Variants in DCHS2 observed in about 807,000 individuals in gnomAD.
DCHS2 encodes the protein dachsous cadherin-related 2.
Under a neutral mutation model 182.4 loss-of-function variants are expected in DCHS2, and 142 were observed. The observed-to-expected ratio is 0.78, with a 90% CI of 0.68 to 0.89. DCHS2 has a LOEUF of 0.89. DCHS2 is among the 40% of genes least tolerant of loss of function. The pLI is 0.00. For missense variants in DCHS2, 4,319 were observed against 4,198.6 expected (o/e 1.03, Z -0.79); for synonymous variants, 1,740 against 1,663.3 (o/e 1.05, Z -1.12).
In DCHS2 at chr4:154,231,966, T is replaced by G. The variant is rs1039323853; in HGVS notation, c.*2570A>C. 1.6e-4 allele frequency: 24 copies of G among 152,178 alleles called. No individual in the cohort carries two copies. Among genetic ancestry groups the G allele is most frequent in the African/African-American group, 5.8e-4 (24 of 41,448 alleles). 9.4% of individuals were successfully genotyped at this position (152,178 alleles called of 1,614,324 possible). On this transcript the variant is annotated 3_prime_UTR_variant, in exon 20 of 20. Coordinates refer to ENST00000357232, the MANE Select transcript of DCHS2 (RefSeq NM_001358235.2). The stretch of plus-strand genomic sequence containing the variant: ...AGGACATGGAATTTTGATATCCATT[T>G]GGTACTGATTTACACCAGTATTTTT...
At chr4:154,412,535 A>G (rs1008122715) in intron 1 of DCHS2, among the ~76,000 whole-genome samples, 3 of 152,314 alleles carry the variant, frequency 2.0e-5, no homozygotes, top group East Asian at 1.9e-4. Context: ...TTCCTCATCC[A>G]TAATATACGC....
chr4:154,350,498 C>G (rs1055594516), intron 3 of DCHS2, among the ~76,000 whole-genome samples: 1 of 152,092 alleles, frequency 6.6e-6, no homozygotes, highest in African/African-American at 2.4e-5. Context: ...GTCATGTGCA[C>G]ACACTGGTCC....
chr4:154,488,385 T>C (rs999707595), intron 1 of DCHS2, among the ~76,000 whole-genome samples: 4 of 152,112 alleles, frequency 2.6e-5, no homozygotes, highest in African/African-American at 9.7e-5. Flanking sequence ...GAAAGCATCA[T>C]GGAAGAAGCT....
intron 14 of DCHS2, among the ~76,000 whole-genome samples, chr4:154,268,591 CT>C (rs1285610552): frequency 6.6e-6 from 1 of 152,150 alleles, no homozygotes; most frequent in Non-Finnish European, 1.5e-5. Flanking sequence ...CCACAGGTAA[CT>C]AAGCCTGGAG....
intron 12 of DCHS2, among the ~76,000 whole-genome samples, chr4:154,302,803 T>TTA (rs1735255996): frequency 1.3e-5 from 1 of 76,654 alleles, no homozygotes; most frequent in Non-Finnish European, 3.4e-5. Context: ...ATATATATAC[T>TTA]TATATATATT....
At chr4:154,384,572 C>T (rs1436445845) in intron 1 of DCHS2, 7 of 1,471,354 alleles carry the variant, frequency 4.8e-6, no homozygotes, top group Middle Eastern at 1.7e-4. Flanking sequence ...TGAGTACTAC[C>T]TTATATGGCA....
intron 1 of DCHS2, among the ~76,000 whole-genome samples, chr4:154,482,565 G>A (rs982512714): frequency 1.2e-4 from 18 of 152,264 alleles, no homozygotes; most frequent in African/African-American, 3.9e-4. Context: ...AGAAGTGAGC[G>A]AAAAAGACCC....
At chr4:154,405,364 T>C (rs1732355985) in intron 1 of DCHS2, among the ~76,000 whole-genome samples, 1 of 151,824 alleles carries the variant, frequency 6.6e-6, no homozygotes, top group Non-Finnish European at 1.5e-5. Flanking sequence ...ATTTTCCCTG[T>C]TTGGGATTTG....
At position 154,490,944 on chromosome 4, in the gene DCHS2, G is replaced by A; in HGVS notation, c.412C>T (p.His138Tyr). ...ARRLDRERRD[H>Y]YSFVAATLLG... The stretch of plus-strand genomic sequence containing the variant: ...AGCGTGGCGGCGACGAAGCTGTAGT[G>A]GTCCCGCCGCTCGCGGTCCAGGCGC... The change falls in exon 1 of 20, where the codon CAC (histidine) becomes TAC (tyrosine). Residue 138 changes from histidine (H) to tyrosine (Y), a missense_variant. Physicochemically the swap from His to Tyr is moderately conservative, Grantham distance 83 (BLOSUM62 2). Transcript: ENST00000357232. 10 of 1,550,394 alleles carry A rather than the reference G, an allele frequency of 6.4e-6. No individual in the cohort carries two copies. The highest frequency in any genetic ancestry group is 8.7e-6 in the Non-Finnish European group (10 of 1,146,424).
intron 1 of DCHS2, among the ~76,000 whole-genome samples, chr4:154,431,261 G>A (rs1212307382): frequency 6.6e-6 from 1 of 152,150 alleles, no homozygotes; most frequent in Admixed American, 6.5e-5. Context: ...GACAATTACA[G>A]GAGGGTGGGG....
intron 1 of DCHS2, among the ~76,000 whole-genome samples, chr4:154,416,150 G>C (rs1045115081): frequency 1.3e-5 from 2 of 152,092 alleles, no homozygotes; most frequent in African/African-American, 4.8e-5. Context: ...GTAGGAAGAG[G>C]GCGCTAAGTC....
intron 19 of DCHS2, 102 bp downstream of exon 19, chr4:154,239,068 G>T: frequency 2.1e-6 from 3 of 1,436,188 alleles, no homozygotes; most frequent in Non-Finnish European, 2.8e-6. Context: ...ATGCGGGGTG[G>T]GGAGGTGGGG....
At chr4:154,278,446 A>C (rs1202322566) in intron 13 of DCHS2, among the ~76,000 whole-genome samples, 1 of 152,032 alleles carries the variant, frequency 6.6e-6, no homozygotes, top group African/African-American at 2.4e-5. Context: ...AAAATGGGTA[A>C]AAAGCTTATT....
chr4:154,317,025 T>C (rs1024335734), intron 9 of DCHS2, among the ~76,000 whole-genome samples: 4 of 152,240 alleles, frequency 2.6e-5, no homozygotes, highest in African/African-American at 7.2e-5. Flanking sequence ...CGGAATTCTA[T>C]TTTATAAAAT....
chr4:154,328,022 G>T (rs1254635984), intron 7 of DCHS2, 71 bp downstream of exon 7: 5 of 1,102,150 alleles, frequency 4.5e-6, no homozygotes, highest in Non-Finnish European at 6.4e-6. Context: ...TCTTTTCCCA[G>T]AAGGGGATAG....
At chr4:154,324,809 G>A (rs1158392415) in intron 7 of DCHS2, among the ~76,000 whole-genome samples, 1 of 152,126 alleles carries the variant, frequency 6.6e-6, no homozygotes, top group Non-Finnish European at 1.5e-5. Context: ...TATTAGTTGT[G>A]ATTTCTATGC....
At chr4:154,356,180 A>T (rs1302711777) in intron 3 of DCHS2, among the ~76,000 whole-genome samples, 1 of 152,046 alleles carries the variant, frequency 6.6e-6, no homozygotes, top group Non-Finnish European at 1.5e-5. Flanking sequence ...GCCTAGGCTA[A>T]TGTGTGCGTT....
chr4:154,240,423 TACAA>T (rs1714277948), intron 18 of DCHS2, 110 bp downstream of exon 18: 2 of 1,322,144 alleles, frequency 1.5e-6, no homozygotes, highest in Non-Finnish European at 2.1e-6. Context: ...ACTTAGGCAC[TACAA>T]ACAGTGAATG....
chr4:154,277,361 C>T (rs1344285136), intron 13 of DCHS2, among the ~76,000 whole-genome samples: 1 of 152,118 alleles, frequency 6.6e-6, no homozygotes, highest in Non-Finnish European at 1.5e-5. Flanking sequence ...AAAGAGAACT[C>T]AGTGGCTTAC....
Sources: allele counts gnomAD v4.1 joint callset (sites outside exome capture counted in the v4.1 genomes callset), GRCh38; gene constraint gnomAD v4.1.1; transcripts MANE v1.5; gene names NCBI Gene and HGNC (gene_info 2026-07-23, HGNC 2026-07-21).